The following ARAP2 variants were observed in gnomAD, a reference collection of about 807,000 sequenced individuals.
ARAP2 encodes the protein arf-GAP with Rho-GAP domain, ANK repeat and PH domain-containing protein 2.
ARAP2 carries 148 observed loss-of-function variants against 194.5 expected under a neutral mutation model. The ratio of observed to expected loss-of-function variants is 0.76; its 90% confidence interval spans 0.67 to 0.87. The LOEUF is 0.87. ARAP2 is among the 40% of genes least tolerant of loss of function. The pLI, the probability that ARAP2 is intolerant of heterozygous loss-of-function variation, is 0.00. For synonymous variants in ARAP2, 695 were observed against 683.5 expected (o/e 1.02, Z -0.26); for missense variants, 2,128 against 1,989.7 (o/e 1.07, Z -1.32).
chr4:36,080,351 G>T, intron 30 of ARAP2, 72 bp from the exon 31 acceptor site: 1 of 1,255,634 alleles, frequency 8.0e-7, no homozygotes, highest in Non-Finnish European at 1.2e-6. Context: ...TCTGCTGAGT[G>T]ATTTGGTGAT....
rs769784915 is a variant in ARAP2, at chr4:36,187,538, C to A, written c.1591G>T (p.Ala531Ser). 1 of 1,565,530 alleles carries A rather than the reference C, an allele frequency of 6.4e-7. No individual in the cohort carries two copies. Among genetic ancestry groups the A allele is most frequent in the South Asian group, 1.2e-5 (1 of 80,444 alleles). ...MYSKGIIPLSAISTVRVQGDN... is the reference protein window; with the variant it reads ...MYSKGIIPLSSISTVRVQGDN... ...CCTTGAACTCGTACTGTTGATATAG[C>A]AGAAAGGGGAATTATTCCTTTCGAA... The change falls in exon 8 of 33, where the codon GCT becomes TCT. Residue 531 changes from alanine (A) to serine (S), a missense_variant. Ala to Ser is a moderately conservative substitution (Grantham distance 99). Coordinates refer to ENST00000303965, the MANE Select transcript of ARAP2 (RefSeq NM_015230.4).
chr4:36,032,117 G>A (rs1417960085), intron 5 of ARAP2, among the ~76,000 whole-genome samples: 6 of 152,306 alleles, frequency 3.9e-5, no homozygotes, highest in East Asian at 1.9e-4. Flanking sequence ...CAAAATGTGA[G>A]TATTTATATT....
At chr4:36,204,935 C>G (rs1413556004) in intron 6 of ARAP2, among the ~76,000 whole-genome samples, 1 of 119,716 alleles carries the variant, frequency 8.4e-6, no homozygotes, top group East Asian at 2.8e-4. Flanking sequence ...TTGCAGTGAG[C>G]CAAGATCAAG....
intron 2 of ARAP2, among the ~76,000 whole-genome samples, chr4:36,053,268 T>C (rs1396811254): frequency 6.6e-6 from 1 of 151,872 alleles, no homozygotes; most frequent in African/African-American, 2.4e-5. Flanking sequence ...CCTCCCAAAG[T>C]GTTGGAATTA....
chr4:36,244,270 C>T lies in ARAP2; in HGVS notation c.-251G>A, dbSNP rs1754201296. On this transcript the variant is annotated 5_prime_UTR_variant, in exon 1 of 33. Coordinates refer to ENST00000303965, the MANE Select transcript of ARAP2 (RefSeq NM_015230.4). ...CTCTCCCAGCCTTGGGCGCTCGGTCCTCGCCCCTCTGCCGGAGGCGCCAGG... is the reference window on the plus strand; with the variant it reads ...CTCTCCCAGCCTTGGGCGCTCGGTCTTCGCCCCTCTGCCGGAGGCGCCAGG... The T allele has an allele frequency of 6.6e-6, 1 of 152,014 alleles. No homozygotes were observed. Among genetic ancestry groups the T allele is most frequent in the South Asian group, 2.1e-4 (1 of 4,836 alleles). The allele number at this position is 152,014 out of a possible 1,614,324, so 9.4% of individuals were successfully genotyped here.
chr4:36,153,659 G>C (rs1255094629), intron 15 of ARAP2, among the ~76,000 whole-genome samples: 1 of 152,194 alleles, frequency 6.6e-6, no homozygotes, highest in Non-Finnish European at 1.5e-5. Flanking sequence ...ACTCCCCAGA[G>C]GTGACCCACT....
At chr4:36,061,430 C>A (rs1334383699), downstream of ARAP2, among the ~76,000 whole-genome samples, 2 of 152,152 alleles carry the variant, frequency 1.3e-5, no homozygotes, top group Non-Finnish European at 2.9e-5. Flanking sequence ...ATTTTTAGAT[C>A]CCACAAATAA....
chr4:36,044,196 T>C (rs955523667), intron 5 of ARAP2, among the ~76,000 whole-genome samples: 6 of 152,120 alleles, frequency 3.9e-5, no homozygotes, highest in South Asian at 2.1e-4. Flanking sequence ...ACTGAATAAA[T>C]GAGTTATCCA....
chr4:36,172,569 C>T (rs903581029), intron 9 of ARAP2, among the ~76,000 whole-genome samples: 8 of 152,000 alleles, frequency 5.3e-5, no homozygotes, highest in East Asian at 1.9e-4. Flanking sequence ...GATACTGAAA[C>T]GGGTTATTCT....
intron 20 of ARAP2, among the ~76,000 whole-genome samples, chr4:36,131,354 A>G (rs1442357614): frequency 6.7e-6 from 1 of 150,334 alleles, no homozygotes; most frequent in Non-Finnish European, 1.5e-5. Flanking sequence ...TATATATAAT[A>G]TAAAAATATG....
intron 31 of ARAP2, among the ~76,000 whole-genome samples, chr4:36,076,994 C>A (rs1300005733): frequency 6.6e-6 from 1 of 152,112 alleles, no homozygotes; most frequent in African/African-American, 2.4e-5. Flanking sequence ...AAGCAGATAG[C>A]AAGGGCATGG....
rs536512491 is a variant in ARAP2 at position 36,075,293 on chromosome 4, C to G, written c.4609-1470G>C. On this transcript the variant is annotated intron_variant, in intron 31 of 32. Transcript: ENST00000303965. ...TCTCTTTTTCTGAAATAATATACAA[C>G]TGTGAATACCAGCTAACTCTCCTTG... is the stretch of plus-strand genomic sequence containing the variant. 3.3e-5 allele frequency among the ~76,000 whole-genome samples: 5 copies of G among 152,232 alleles called. No individual in the cohort carries two copies. The East Asian group carries it at 5.8e-4, about 18-fold the overall frequency.
chr4:36,017,756 C>A (rs184746462), intron 6 of ARAP2, among the ~76,000 whole-genome samples: 6 of 151,744 alleles, frequency 4.0e-5, no homozygotes, highest in African/African-American at 9.7e-5. Flanking sequence ...CAAAACCTTG[C>A]GAGACACTTT....
At chr4:36,143,465 T>TA (rs967487118) in intron 19 of ARAP2, among the ~76,000 whole-genome samples, 2 of 151,298 alleles carry the variant, frequency 1.3e-5, no homozygotes, top group Non-Finnish European at 3.0e-5. Context: ...ACTTGATTTT[T>TA]AAAAAAAAAT....
intron 31 of ARAP2, 49 bp downstream of exon 31, chr4:36,080,167 G>A (rs776904763): frequency 6.7e-7 from 1 of 1,490,418 alleles, no homozygotes. Flanking sequence ...AACATTTCCT[G>A]TAAACAAAGT....
chr4:36,227,388 G>C (rs1445805774), intron 2 of ARAP2, among the ~76,000 whole-genome samples: 1 of 152,128 alleles, frequency 6.6e-6, no homozygotes, highest in African/African-American at 2.4e-5. Flanking sequence ...CTTTGCTACT[G>C]GCACTAGGGA....
chr4:36,085,403 A>T, intron 28 of ARAP2, among the ~76,000 whole-genome samples: 1 of 152,126 alleles, frequency 6.6e-6, no homozygotes, highest in East Asian at 1.9e-4. Context: ...ATGATAAGTT[A>T]GACAGAAATT....
intron 31 of ARAP2, 53 bp from the exon 32 acceptor site, chr4:36,073,876 C>T: frequency 6.3e-7 from 1 of 1,591,250 alleles, no homozygotes; most frequent in South Asian, 1.1e-5. Context: ...ATGTGGTATA[C>T]TATGTCATAA....
At chr4:36,113,243 T>C (rs748202993) in intron 26 of ARAP2, among the ~76,000 whole-genome samples, 4 of 151,842 alleles carry the variant, frequency 2.6e-5, no homozygotes, top group Non-Finnish European at 5.9e-5. Context: ...TTGAGACCGA[T>C]TGAGGGAGAC....
Sources: allele counts gnomAD v4.1 joint callset (sites outside exome capture counted in the v4.1 genomes callset), GRCh38; gene constraint gnomAD v4.1.1; transcripts MANE v1.5; gene names NCBI Gene and HGNC (gene_info 2026-07-23, HGNC 2026-07-21).